The following NBAS variants were observed in gnomAD, a reference collection of about 807,000 sequenced individuals.
The protein encoded by NBAS is NBAS subunit of NRZ tethering complex.
In NBAS, 219 loss-of-function variants were observed where a neutral mutation model predicts 302.5. The ratio of observed to expected loss-of-function variants is 0.72; its 90% CI spans 0.65 to 0.81. The LOEUF (loss-of-function observed/expected upper bound fraction) is 0.81. Among genes scored for constraint, NBAS ranks in the 30% least tolerant of loss-of-function variants. The pLI is 0.00. For synonymous variants in NBAS, 1,118 were observed against 1,021.6 expected (o/e 1.09, Z -1.80); for missense variants, 2,932 against 2,841.6 (o/e 1.03, Z -0.72).
intron 44 of NBAS, among the ~76,000 whole-genome samples, chr2:15,255,799 T>C (rs1291442784): frequency 2.6e-5 from 4 of 152,184 alleles, no homozygotes; most frequent in Non-Finnish European, 5.9e-5. Flanking sequence ...CACCATTTGT[T>C]GAATAGAGTG....
intron 51 of NBAS, among the ~76,000 whole-genome samples, chr2:15,173,995 C>T (rs1026674251): frequency 1.3e-5 from 2 of 152,194 alleles, no homozygotes; most frequent in Non-Finnish European, 2.9e-5. Context: ...CTTGATATGT[C>T]TGTTCATACC....
chr2:15,409,516 G>T (rs1676579366), intron 25 of NBAS, among the ~76,000 whole-genome samples: 1 of 152,060 alleles, frequency 6.6e-6, no homozygotes, highest in African/African-American at 2.4e-5. Flanking sequence ...TTATCTTCAA[G>T]ATTTCAATTC....
At chr2:15,466,225 C>T (rs972375294) in intron 19 of NBAS, among the ~76,000 whole-genome samples, 4 of 152,076 alleles carry the variant, frequency 2.6e-5, no homozygotes, top group African/African-American at 9.7e-5. Context: ...GTTCTTGGGA[C>T]CAGCATTACA....
chr2:14,789,448 C>A, the NBAS span, among the ~76,000 whole-genome samples: 1 of 152,122 alleles, frequency 6.6e-6, no homozygotes, highest in East Asian at 1.9e-4. Flanking sequence ...AGCTGTAGAC[C>A]GGAGCTGTTC....
chr2:15,072,936 C>T, the NBAS span, among the ~76,000 whole-genome samples: 1 of 152,106 alleles, frequency 6.6e-6, no homozygotes, highest in African/African-American at 2.4e-5. Context: ...TCGAGACCAG[C>T]CTGGGAACAT....
chr2:15,539,111 T>TA, intron 7 of NBAS, 112 bp downstream of exon 7: 1 of 1,428,304 alleles, frequency 7.0e-7, no homozygotes, highest in Non-Finnish European at 9.7e-7. Context: ...GTCCACAGCT[T>TA]ATTATTCTGA....
intron 6 of NBAS, among the ~76,000 whole-genome samples, chr2:15,548,591 T>C (rs1374556024): frequency 2.0e-5 from 3 of 152,028 alleles, no homozygotes; most frequent in African/African-American, 7.2e-5. Flanking sequence ...TGCAGTGAGC[T>C]GAGATCGCAC....
At chr2:15,514,896 G>T (rs1662314827) in intron 9 of NBAS, among the ~76,000 whole-genome samples, 1 of 152,076 alleles carries the variant, frequency 6.6e-6, no homozygotes, top group Non-Finnish European at 1.5e-5. Flanking sequence ...GATCCCCTAA[G>T]AACAAAAGGG....
At chr2:15,061,523 T>C in the NBAS span, among the ~76,000 whole-genome samples, 2 of 152,224 alleles carry the variant, frequency 1.3e-5, no homozygotes, top group Non-Finnish European at 2.9e-5. Context: ...TGTGTGTTGG[T>C]AGAAATGAAG....
chr2:15,032,328 A>G, the NBAS span, among the ~76,000 whole-genome samples: 1 of 152,218 alleles, frequency 6.6e-6, no homozygotes. Flanking sequence ...TTAAAAGGCC[A>G]TTCTGATGAG....
intron 48 of NBAS, among the ~76,000 whole-genome samples, chr2:15,197,653 C>G (rs1572432115): frequency 6.6e-6 from 1 of 152,300 alleles, no homozygotes; most frequent in Non-Finnish European, 1.5e-5. Flanking sequence ...AATTCTAGCC[C>G]TCTCTTGTTA....
At position 15,561,221 on chromosome 2, in the gene NBAS, G is replaced by A. The variant is rs1664905101; in HGVS notation, c.84C>T (p.Val28=). The part of the protein sequence containing the change: ...EEETILYDLL[V]NTEWPPETEV... ...CAGTCTCCGGTGGCCACTCGGTGTT[G>A]ACCAACAAGTCATAGAGAATCGTCT... Residue 28 remains valine, a synonymous_variant, in exon 1 of 52, where the codon GTC becomes GTT. Coordinates refer to ENST00000281513, the MANE Select transcript of NBAS (RefSeq NM_015909.4). The A allele has an allele frequency of 6.2e-7, 1 of 1,613,802 alleles. No homozygotes were observed. Among genetic ancestry groups the A allele is most frequent in the African/African-American group, 1.3e-5 (1 of 74,876 alleles).
intron 21 of NBAS, among the ~76,000 whole-genome samples, chr2:15,436,008 C>T (rs1323114133): frequency 6.6e-6 from 1 of 151,842 alleles, no homozygotes; most frequent in Non-Finnish European, 1.5e-5. Context: ...AATCAAACAC[C>T]CTAAAAGGTA....
chr2:14,968,021 A>G, the NBAS span, among the ~76,000 whole-genome samples: 2 of 152,162 alleles, frequency 1.3e-5, no homozygotes, highest in African/African-American at 4.8e-5. Context: ...CCTAGCCATA[A>G]TAAAGGACAA....
chr2:15,446,787 A>T (rs1372070156), intron 21 of NBAS, among the ~76,000 whole-genome samples: 1 of 152,132 alleles, frequency 6.6e-6, no homozygotes, highest in African/African-American at 2.4e-5. Context: ...ACATTATTTT[A>T]AGTTCTTACA....
chr2:15,225,675 A>AC (rs926090583), intron 47 of NBAS, among the ~76,000 whole-genome samples: 6 of 151,880 alleles, frequency 4.0e-5, no homozygotes, highest in African/African-American at 9.7e-5. Flanking sequence ...AAACAATCAA[A>AC]CCCCCCCAAA....
chr2:15,514,492 A>G (rs1272450705), intron 9 of NBAS, among the ~76,000 whole-genome samples: 3 of 152,172 alleles, frequency 2.0e-5, no homozygotes, highest in Non-Finnish European at 2.9e-5. Context: ...AGTAACCTCT[A>G]TTGAACCTCT....
intron 11 of NBAS, among the ~76,000 whole-genome samples, chr2:15,499,125 C>T (rs2148627546): frequency 1.3e-5 from 2 of 152,218 alleles, no homozygotes; most frequent in South Asian, 2.1e-4. Flanking sequence ...AATGGGGTTT[C>T]ACCATGTTAG....
chr2:15,034,255 A>AGAAG, the NBAS span, among the ~76,000 whole-genome samples: 1 of 96,562 alleles, frequency 1.0e-5, no homozygotes, highest in South Asian at 3.5e-4. Context: ...AAAGAAAGAA[A>AGAAG]GAAAGAAAGA....
Sources: gnomAD v4.1 joint callset for allele counts (sites outside exome capture counted in the v4.1 genomes callset) on GRCh38, gnomAD v4.1.1 for gene constraint, MANE v1.5 for transcripts, NCBI Gene and HGNC (gene_info 2026-07-23, HGNC 2026-07-21) for gene names.